Variants in GTF2H5 observed in about 807,000 individuals in gnomAD.
GTF2H5 encodes the protein general transcription factor IIH subunit 5.
GTF2H5 carries 5 observed loss-of-function variants against 7.1 expected under a neutral mutation model. That is an observed-to-expected ratio of 0.71 (90% CI 0.37 to 1.49). GTF2H5 has a LOEUF of 1.49. Among genes scored for constraint, GTF2H5 ranks in the 40% most tolerant of loss-of-function variants. GTF2H5 has a pLI of 0.03. For synonymous variants in GTF2H5, 30 were observed against 31.7 expected (o/e 0.95, Z 0.18); for missense variants, 80 against 83.0 (o/e 0.96, Z 0.14).
At chr6:158,190,462 C>T (rs1295814676) in intron 2 of GTF2H5, among the ~76,000 whole-genome samples, 4 of 152,144 alleles carry the variant, frequency 2.6e-5, no homozygotes, top group Non-Finnish European at 4.4e-5. Flanking sequence ...TCATGGGTCC[C>T]CTGCTTCCAT....
intron 2 of GTF2H5, among the ~76,000 whole-genome samples, chr6:158,185,822 A>G (rs1203678325): frequency 6.6e-6 from 1 of 151,962 alleles, no homozygotes; most frequent in African/African-American, 2.4e-5. Context: ...ACAGAACCCT[A>G]TCTCTACAAA....
intron 2 of GTF2H5, among the ~76,000 whole-genome samples, chr6:158,173,516 T>G (rs1218778376): frequency 1.3e-5 from 2 of 152,314 alleles, no homozygotes; most frequent in Admixed American, 1.3e-4. Context: ...TGATTATCAG[T>G]ATAAGTCTGT....
rs1322737847 is a variant in GTF2H5 at position 158,168,371 on chromosome 6, G to A, written c.-59G>A. 2.6e-5 allele frequency: 4 copies of A among 152,368 alleles called. No homozygotes were observed. Among genetic ancestry groups the A allele is most frequent in the Non-Finnish European group, 4.4e-5 (3 of 68,154 alleles). The allele number at this position is 152,368 out of a possible 1,614,324, so 9.4% of individuals were successfully genotyped here. The stretch of plus-strand genomic sequence containing the variant: ...AGGCGCACTCTGCCGGCAACGCCGA[G>A]GCGCTTCTGCATCTGTGGGCCGAGG... On this transcript the variant is annotated 5_prime_UTR_variant, in exon 1 of 3. Coordinates refer to ENST00000607778, the MANE Select transcript of GTF2H5 (RefSeq NM_207118.3).
chr6:158,180,878 T>G (rs1786001269), intron 2 of GTF2H5, among the ~76,000 whole-genome samples: 1 of 151,520 alleles, frequency 6.6e-6, no homozygotes, highest in Admixed American at 6.6e-5. Flanking sequence ...CTCCTTCAGT[T>G]CTGCTCTGAT....
At chr6:158,191,819 T>C (rs1244457972) in intron 2 of GTF2H5, among the ~76,000 whole-genome samples, 158 bp from the exon 3 acceptor site, 2 of 152,218 alleles carry the variant, frequency 1.3e-5, no homozygotes, top group Non-Finnish European at 2.9e-5. Context: ...GCCATGTCTA[T>C]AAATTGTTAA....
At chr6:158,185,875 T>C (rs1776914500) in intron 2 of GTF2H5, among the ~76,000 whole-genome samples, 1 of 151,894 alleles carries the variant, frequency 6.6e-6, no homozygotes, top group Non-Finnish European at 1.5e-5. Flanking sequence ...GTGCCTGTAG[T>C]CCCAGCTACT....
chr6:158,175,896 C>G (rs1384470706), intron 2 of GTF2H5, among the ~76,000 whole-genome samples: 2 of 152,150 alleles, frequency 1.3e-5, no homozygotes, highest in African/African-American at 4.8e-5. Flanking sequence ...TATTTGCAGA[C>G]ATTTTAAGTG....
chr6:158,197,540 G>A lies in GTF2H5; in HGVS notation c.*5383G>A, dbSNP rs1309654637. ...CACAGCAAGAGCAGATTGATCAAGA[G>A]CAAAGGTCATGGTAACAGTTTTTTG... On this transcript the variant is annotated 3_prime_UTR_variant, in exon 3 of 3. Coordinates refer to ENST00000607778, the MANE Select transcript of GTF2H5 (RefSeq NM_207118.3). The A allele has an allele frequency of 1.3e-5, 2 of 152,156 alleles. No individual in the cohort carries two copies. Among genetic ancestry groups the A allele is most frequent in the African/African-American group, 4.8e-5 (2 of 41,430 alleles). 9.4% of individuals were successfully genotyped at this position (152,156 alleles called of 1,614,324 possible). A position where few individuals can be genotyped will look rare whatever the true frequency, so the allele number is the denominator to read the frequency against.
Position 158,195,856 on chromosome 6 carries a change from T to C in GTF2H5, c.*3699T>C, listed in dbSNP as rs1777098611. On this transcript the variant is annotated 3_prime_UTR_variant, in exon 3 of 3. Transcript: ENST00000607778. The stretch of plus-strand genomic sequence containing the variant: ...GGAGAAATGATGCAGTTTGCAAATA[T>C]AGTCAATAAATATTCTCAAGTGTAC... 6.6e-6 allele frequency: 1 copy of C among 152,226 alleles called. No homozygotes were observed. The highest frequency in any genetic ancestry group is 6.5e-5 in the Admixed American group (1 of 15,272). 9.4% of individuals were successfully genotyped at this position (152,226 alleles called of 1,614,324 possible). A position where few individuals can be genotyped will look rare whatever the true frequency, so the allele number is the denominator to read the frequency against.
rs375677932 is a variant in GTF2H5 at position 158,187,728 on chromosome 6, T to C, written c.36-4249T>C. Among the ~76,000 whole-genome samples the C allele has an allele frequency of 1.8e-4, 28 of 152,248 alleles. No individual in the cohort carries two copies. The South Asian group carries it at 2.5e-3, about 14-fold the overall frequency. On this transcript the variant is annotated intron_variant, in intron 2 of 2. Coordinates refer to ENST00000607778, the MANE Select transcript of GTF2H5 (RefSeq NM_207118.3). ...GACTACAGGTGCCTGCCACCACATC[T>C]GGCTAATTTTTGTATTTTTAGTAGA...
At chr6:158,191,772 G>A (rs758494411) in intron 2 of GTF2H5, among the ~76,000 whole-genome samples, 1 of 152,176 alleles carries the variant, frequency 6.6e-6, no homozygotes, top group East Asian at 1.9e-4. Flanking sequence ...GTGAGCCATC[G>A]CACCCGGCCA....
At chr6:158,176,295 T>G (rs1785933356) in intron 2 of GTF2H5, among the ~76,000 whole-genome samples, 1 of 152,202 alleles carries the variant, frequency 6.6e-6, no homozygotes, top group South Asian at 2.1e-4. Flanking sequence ...GGCACAATCT[T>G]GGCTCACTGC....
intron 2 of GTF2H5, among the ~76,000 whole-genome samples, chr6:158,180,090 T>C (rs544027439): frequency 2.0e-5 from 3 of 152,272 alleles, no homozygotes; most frequent in South Asian, 2.1e-4. Flanking sequence ...TTTTCTGCTG[T>C]TGAATTTTGT....
intron 1 of GTF2H5, 86 bp from the exon 2 acceptor site, chr6:158,170,384 T>G: frequency 1.3e-6 from 1 of 746,088 alleles, no homozygotes; most frequent in Non-Finnish European, 2.4e-6. Flanking sequence ...GACATTTAAT[T>G]ATTTTGCCTC....
At chr6:158,172,985 C>T (rs903310827) in intron 2 of GTF2H5, among the ~76,000 whole-genome samples, 1 of 152,184 alleles carries the variant, frequency 6.6e-6, no homozygotes, top group Admixed American at 6.5e-5. Flanking sequence ...GACTGTCCAT[C>T]ACCTTGCACT....
chr6:158,183,632 G>A (rs1374597034), intron 2 of GTF2H5, among the ~76,000 whole-genome samples: 1 of 152,184 alleles, frequency 6.6e-6, no homozygotes, highest in East Asian at 1.9e-4. Flanking sequence ...CCCCCACCAA[G>A]CTCCGGTGTC....
chr6:158,191,818 A>T (rs1562476806), intron 2 of GTF2H5, among the ~76,000 whole-genome samples, 159 bp from the exon 3 acceptor site: 2 of 152,208 alleles, frequency 1.3e-5, no homozygotes, highest in Non-Finnish European at 2.9e-5. Flanking sequence ...AGCCATGTCT[A>T]TAAATTGTTA....
chr6:158,184,011 G>A (rs1053894476), intron 2 of GTF2H5, among the ~76,000 whole-genome samples: 4 of 151,740 alleles, frequency 2.6e-5, no homozygotes, highest in African/African-American at 4.8e-5. Flanking sequence ...GTACACCAGA[G>A]CTGTTCCTAT....
intron 2 of GTF2H5, among the ~76,000 whole-genome samples, chr6:158,188,366 A>T (rs1776963479): frequency 6.6e-6 from 1 of 152,208 alleles, no homozygotes; most frequent in Admixed American, 6.5e-5. Context: ...CTAAATTTTT[A>T]AAGAGTCTGA....
Sources: allele counts gnomAD v4.1 joint callset (sites outside exome capture counted in the v4.1 genomes callset), GRCh38; gene constraint gnomAD v4.1.1; transcripts MANE v1.5; gene names NCBI Gene and HGNC (gene_info 2026-07-23, HGNC 2026-07-21).